The following ARB2A variants were observed in gnomAD, a reference collection of about 807,000 sequenced individuals.
The protein encoded by ARB2A is cotranscriptional regulator ARB2A.
the ARB2A span, among the ~76,000 whole-genome samples, chr5:93,656,081 G>A: frequency 1.3e-5 from 2 of 152,134 alleles, no homozygotes; most frequent in Non-Finnish European, 2.9e-5. Context: ...CACACAGAGA[G>A]GCATGCAATA....
the ARB2A span, among the ~76,000 whole-genome samples, chr5:93,852,494 A>C: frequency 6.6e-6 from 1 of 151,998 alleles, no homozygotes; most frequent in African/African-American, 2.4e-5. Flanking sequence ...TTTTGTTGCC[A>C]TTGCTTTTGG....
At chr5:93,731,845 T>A in the ARB2A span, among the ~76,000 whole-genome samples, 2 of 152,204 alleles carry the variant, frequency 1.3e-5, no homozygotes, top group East Asian at 3.8e-4. Flanking sequence ...AATATTGATT[T>A]TTAAATGCAG....
At chr5:93,727,709 CT>C in the ARB2A span, among the ~76,000 whole-genome samples, 5 of 151,922 alleles carry the variant, frequency 3.3e-5, no homozygotes, top group Non-Finnish European at 7.4e-5. Flanking sequence ...ATTATATACA[CT>C]TTGGGGATTA....
chr5:94,020,119 T>G, the ARB2A span, among the ~76,000 whole-genome samples: 15 of 152,036 alleles, frequency 9.9e-5, no homozygotes, highest in African/African-American at 3.4e-4. Context: ...TGCAGGGACA[T>G]GGATGAAGCT....
the ARB2A span, among the ~76,000 whole-genome samples, chr5:93,693,396 C>A: frequency 6.6e-6 from 1 of 152,090 alleles, no homozygotes; most frequent in Non-Finnish European, 1.5e-5. Context: ...CACAGAAATA[C>A]AAACTACCAC....
At chr5:93,960,093 C>G in the ARB2A span, among the ~76,000 whole-genome samples, 24,005 of 143,358 alleles carry the variant, frequency 0.17, 3,152 homozygotes, top group Non-Finnish European at 0.23. Flanking sequence ...CCCCCCCCCC[C>G]CCAAAAAAAG....
the ARB2A span, among the ~76,000 whole-genome samples, chr5:93,696,858 T>C: frequency 6.6e-6 from 1 of 151,840 alleles, no homozygotes; most frequent in Admixed American, 6.6e-5. Context: ...GGTCGAGAGT[T>C]TGAGACCAGC....
At chr5:93,922,733 C>T in the ARB2A span, among the ~76,000 whole-genome samples, 1 of 149,560 alleles carries the variant, frequency 6.7e-6, no homozygotes, top group Non-Finnish European at 1.5e-5. Flanking sequence ...TGAATGTTTC[C>T]AAACCAGTGC....
chr5:93,994,905 C>CTAAATAAATAAA, the ARB2A span, among the ~76,000 whole-genome samples: 6 of 149,618 alleles, frequency 4.0e-5, no homozygotes, highest in African/African-American at 1.5e-4. Context: ...GACCCTGTCT[C>CTAAATAAATAAA]TAAATAAATA....
the ARB2A span, among the ~76,000 whole-genome samples, chr5:94,033,278 A>G: frequency 6.6e-6 from 1 of 152,150 alleles, no homozygotes; most frequent in East Asian, 1.9e-4. Flanking sequence ...TTGGAAGCAG[A>G]TAACTTGTTT....
At chr5:94,105,083 C>A in the ARB2A span, among the ~76,000 whole-genome samples, 6 of 152,012 alleles carry the variant, frequency 3.9e-5, no homozygotes. Flanking sequence ...AAAACCGGAA[C>A]AAGACAAGCA....
chr5:93,684,071 T>C, the ARB2A span, among the ~76,000 whole-genome samples: 5 of 152,206 alleles, frequency 3.3e-5, no homozygotes, highest in Middle Eastern at 3.2e-3. Context: ...TAAGCCATGA[T>C]AGCAATGACC....
the ARB2A span, among the ~76,000 whole-genome samples, chr5:93,910,204 T>G: frequency 6.6e-6 from 1 of 150,982 alleles, no homozygotes; most frequent in African/African-American, 2.4e-5. Context: ...TTACATGTAC[T>G]GATATACTTA....
At chr5:94,092,020 G>A in the ARB2A span, among the ~76,000 whole-genome samples, 3 of 151,896 alleles carry the variant, frequency 2.0e-5, no homozygotes, top group Non-Finnish European at 4.4e-5. Context: ...TTCTTATACT[G>A]GCACAAGTAC....
At chr5:94,009,243 C>CA in the ARB2A span, among the ~76,000 whole-genome samples, 8 of 151,920 alleles carry the variant, frequency 5.3e-5, no homozygotes, top group South Asian at 1.7e-3. Flanking sequence ...CATTTACATA[C>CA]AAAAAAGGTA....
the ARB2A span, among the ~76,000 whole-genome samples, chr5:94,060,149 G>A: frequency 6.6e-6 from 1 of 152,102 alleles, no homozygotes; most frequent in Non-Finnish European, 1.5e-5. Context: ...CACGAGGTTA[G>A]GAGTTTGAGA....
the ARB2A span, among the ~76,000 whole-genome samples, chr5:94,041,386 C>T: frequency 6.6e-6 from 1 of 152,034 alleles, no homozygotes; most frequent in Non-Finnish European, 1.5e-5. Context: ...CGTGCTTTCT[C>T]TTTTCACAAT....
the ARB2A span, among the ~76,000 whole-genome samples, chr5:93,815,752 A>G: frequency 3.3e-5 from 5 of 152,138 alleles, no homozygotes; most frequent in Non-Finnish European, 5.9e-5. Context: ...TGGTGAAGGA[A>G]AATAGGCACT....
chr5:93,741,694 G>A, the ARB2A span: 5 of 1,091,512 alleles, frequency 4.6e-6, no homozygotes, highest in Non-Finnish European at 2.5e-6. Context: ...GTGCCTGTGC[G>A]TAGGCGGGGA....
Sources: gnomAD v4.1 joint callset for allele counts (sites outside exome capture counted in the v4.1 genomes callset) on GRCh38, gnomAD v4.1.1 for gene constraint, MANE v1.5 for transcripts, NCBI Gene and HGNC (gene_info 2026-07-23, HGNC 2026-07-21) for gene names.